ZFAND3: variants seen among roughly 807,000 people sequenced by gnomAD.
ZFAND3 encodes the protein zinc finger AN1-type containing 3, also known as AN1-type zinc finger protein 3.
In ZFAND3, 10 loss-of-function variants were observed where a neutral mutation model predicts 29.6. The ratio of observed to expected loss-of-function variants is 0.34; its 90% confidence interval spans 0.21 to 0.57. The LOEUF is 0.57. ZFAND3 is among the 20% of genes least tolerant of loss of function. The pLI, the probability that ZFAND3 is intolerant of heterozygous loss-of-function variation, is 0.86. For missense variants in ZFAND3, 230 were observed against 304.5 expected (o/e 0.76, Z 1.82); for synonymous variants, 128 against 112.6 (o/e 1.14, Z -0.87).
chr6:37,994,517 A>G (rs1165583467), intron 2 of ZFAND3, among the ~76,000 whole-genome samples: 1 of 152,186 alleles, frequency 6.6e-6, no homozygotes, highest in Non-Finnish European at 1.5e-5. Flanking sequence ...ACTAATTATG[A>G]GCTGCAGTCT....
intron 2 of ZFAND3, among the ~76,000 whole-genome samples, chr6:38,019,264 A>G (rs907616702): frequency 6.6e-6 from 1 of 152,084 alleles, no homozygotes; most frequent in Non-Finnish European, 1.5e-5. Flanking sequence ...GGCCTGATAG[A>G]TTTGTTAAAA....
chr6:38,106,699 G>A (rs937446829), intron 4 of ZFAND3, among the ~76,000 whole-genome samples: 11 of 151,996 alleles, frequency 7.2e-5, no homozygotes, highest in African/African-American at 2.2e-4. Context: ...GTGTGTGTGT[G>A]TATATGTGTA....
intron 2 of ZFAND3, among the ~76,000 whole-genome samples, chr6:37,938,414 C>T (rs984117732): frequency 6.6e-6 from 1 of 151,972 alleles, no homozygotes; most frequent in African/African-American, 2.4e-5. Context: ...TATAATGTGC[C>T]CTAATTTATT....
At chr6:37,856,892 C>G (rs1453419258) in intron 1 of ZFAND3, among the ~76,000 whole-genome samples, 1 of 151,850 alleles carries the variant, frequency 6.6e-6, no homozygotes, top group Non-Finnish European at 1.5e-5. Flanking sequence ...AAGCTGACAA[C>G]CCACATAAAC....
intron 2 of ZFAND3, among the ~76,000 whole-genome samples, chr6:37,950,186 A>G (rs2127420328): frequency 6.6e-6 from 1 of 152,232 alleles, no homozygotes; most frequent in Non-Finnish European, 1.5e-5. Context: ...AATTGCTTTT[A>G]CAGTCTGCAT....
At chr6:38,057,056 C>T (rs568659660) in intron 2 of ZFAND3, among the ~76,000 whole-genome samples, 19 of 149,270 alleles carry the variant, frequency 1.3e-4, no homozygotes, top group African/African-American at 4.7e-4. Context: ...TTAGTTATTC[C>T]TAAGTTTTTT....
intron 2 of ZFAND3, among the ~76,000 whole-genome samples, chr6:37,986,705 GTT>G (rs1305087134): frequency 1.3e-5 from 2 of 152,114 alleles, no homozygotes; most frequent in Admixed American, 6.5e-5. Context: ...ATTTAGGAAA[GTT>G]TAATCATTAT....
At chr6:37,871,005 G>A (rs1316477028) in intron 1 of ZFAND3, among the ~76,000 whole-genome samples, 1 of 152,102 alleles carries the variant, frequency 6.6e-6, no homozygotes, top group Non-Finnish European at 1.5e-5. Context: ...CCTAGAACCT[G>A]TAAATTTCCA....
intron 4 of ZFAND3, among the ~76,000 whole-genome samples, chr6:38,115,478 G>A (rs1370202445): frequency 1.3e-5 from 2 of 152,146 alleles, no homozygotes; most frequent in Non-Finnish European, 2.9e-5. Flanking sequence ...TCTGCTATGT[G>A]GAGAATAGAC....
At chr6:37,885,560 C>T (rs1418237066) in intron 1 of ZFAND3, among the ~76,000 whole-genome samples, 1 of 152,296 alleles carries the variant, frequency 6.6e-6, no homozygotes, top group African/African-American at 2.4e-5. Flanking sequence ...AGGAGAATTG[C>T]TTGAGCCTGG....
Position 38,116,844 on chromosome 6 carries a change from G to C in ZFAND3, c.529+105G>C, listed in dbSNP as rs964055767. 14 of 1,434,938 alleles carry C rather than the reference G, an allele frequency of 9.8e-6. No homozygotes were observed. The African/African-American group carries it at 1.6e-4, about 16-fold the overall frequency. 88.9% of individuals were successfully genotyped at this position (1,434,938 alleles called of 1,614,324 possible). ...GTCTTTCGTTCTTCTTCTGAGTACT[G>C]TAAGTTTGCTACAGTAGTGCATGCG... On this transcript the variant is annotated intron_variant, in intron 5 of 5. Transcript: ENST00000287218.
intron 2 of ZFAND3, among the ~76,000 whole-genome samples, chr6:38,030,083 T>C (rs1353121170): frequency 1.7e-5 from 1 of 59,688 alleles, no homozygotes; most frequent in African/African-American, 5.0e-5. Flanking sequence ...TATATATATA[T>C]ATATATATAT....
intron 1 of ZFAND3, among the ~76,000 whole-genome samples, chr6:37,844,850 T>TA (rs879611779): frequency 0.014 from 1,905 of 132,780 alleles, 31 homozygotes; most frequent in African/African-American, 0.045. Flanking sequence ...CCGTCTCTAC[T>TA]AAAAAAAAAA....
At chr6:38,143,178 A>G (rs1268031915) in intron 5 of ZFAND3, 2 of 152,304 alleles carry the variant, frequency 1.3e-5, no homozygotes, top group African/African-American at 4.8e-5. Flanking sequence ...GACGAAGCCG[A>G]CATTCTCCAC....
In ZFAND3 at chr6:38,116,556, A is replaced by G. The variant is rs1581931377; in HGVS notation, c.362-16A>G. On this transcript the variant is annotated splice_polypyrimidine_tract_variant and intron_variant, in intron 4 of 5. Coordinates refer to ENST00000287218, the MANE Select transcript of ZFAND3 (RefSeq NM_021943.3). ...CAGGCACTAATCCTGATCCCCAAAT[A>G]TGTTGTTTTGGTCAGATTCACAGTC... 1.9e-6 allele frequency: 3 copies of G among 1,596,456 alleles called. No homozygotes were observed. Among genetic ancestry groups the G allele is most frequent in the Middle Eastern group, 3.3e-4 (2 of 6,000 alleles).
chr6:38,031,493 C>T (rs1419348530), intron 2 of ZFAND3, among the ~76,000 whole-genome samples: 2 of 152,174 alleles, frequency 1.3e-5, no homozygotes, highest in Non-Finnish European at 2.9e-5. Flanking sequence ...GTCCTCAATT[C>T]ATTATATACT....
At chr6:37,918,141 A>T (rs1240237560) in intron 1 of ZFAND3, among the ~76,000 whole-genome samples, 1 of 150,798 alleles carries the variant, frequency 6.6e-6, no homozygotes, top group Non-Finnish European at 1.5e-5. Context: ...CAGTGGTGTG[A>T]TCTCGGCTCA....
At chr6:37,911,762 G>A (rs1765525069) in intron 1 of ZFAND3, among the ~76,000 whole-genome samples, 3 of 152,176 alleles carry the variant, frequency 2.0e-5, no homozygotes, top group Admixed American at 2.0e-4. Flanking sequence ...ATTCTTGTTA[G>A]ACATTCAGTT....
intron 3 of ZFAND3, among the ~76,000 whole-genome samples, chr6:38,070,005 T>C (rs1268436342): frequency 6.6e-6 from 1 of 152,200 alleles, no homozygotes; most frequent in Non-Finnish European, 1.5e-5. Context: ...GAATAGAACA[T>C]GAAAATATTC....
Sources: allele counts gnomAD v4.1 joint callset (sites outside exome capture counted in the v4.1 genomes callset), GRCh38; gene constraint gnomAD v4.1.1; transcripts MANE v1.5; gene names NCBI Gene and HGNC (gene_info 2026-07-23, HGNC 2026-07-21).